The following TM4SF1 variants were observed in gnomAD, a reference collection of about 807,000 sequenced individuals.
TM4SF1 encodes transmembrane 4 L six family member 1, also known as transmembrane 4 L6 family member 1.
A neutral mutation model predicts 24.5 loss-of-function variants in TM4SF1; 20 were observed. That is an observed-to-expected ratio of 0.82 (90% CI 0.57 to 1.19). The LOEUF (loss-of-function observed/expected upper bound fraction) is 1.19, where lower values mean the gene tolerates loss of function less well. TM4SF1 is among the 50% of genes most tolerant of loss of function. The pLI is 0.00. For synonymous variants in TM4SF1, 107 were observed against 95.4 expected, an observed-to-expected ratio of 1.12 and a Z score of -0.71; for missense variants, 258 against 248.1, an observed-to-expected ratio of 1.04 and a Z score of -0.27.
Position 149,377,526 on chromosome 3 carries a change from G to A in TM4SF1, c.22C>T (p.Arg8Ter), listed in dbSNP as rs34567733. MCYGKCA[R>*]CIGHSLVGLA... ...CCCACCAGAGAATGTCCGATGCATC[G>A]TGCACACTTCCCATAGCACATGGTG... The change falls in exon 1 of 5, where the codon CGA becomes TGA. Residue 8 changes from arginine (R) to a stop codon, truncating the protein, a stop_gained. Transcript: ENST00000305366. LOFTEE classifies it high-confidence loss of function. 1.6e-5 allele frequency: 26 copies of A among 1,613,640 alleles called. No individual in the cohort carries two copies. Among genetic ancestry groups the A allele is most frequent in the Admixed American group, 5.0e-5 (3 of 59,986 alleles).
intron 1 of TM4SF1, among the ~76,000 whole-genome samples, chr3:149,376,980 A>T (rs766578328): frequency 3.2e-4 from 48 of 152,210 alleles, no homozygotes; most frequent in Non-Finnish European, 5.6e-4. Flanking sequence ...ACAGCAGAGA[A>T]TTTGGATTCA....
In TM4SF1 at chr3:149,369,154, C is replaced by G. The variant is rs779347404; in HGVS notation, c.*712G>C. ...CTTTATTCAGTTTCCCATCTTTCTTCTTGCCCAGTCATCGTAGCCTTTCTT... is the reference window on the plus strand; with the variant it reads ...CTTTATTCAGTTTCCCATCTTTCTTGTTGCCCAGTCATCGTAGCCTTTCTT... On this transcript the variant is annotated 3_prime_UTR_variant, in exon 5 of 5. Coordinates refer to ENST00000305366, the MANE Select transcript of TM4SF1 (RefSeq NM_014220.3). The G allele has an allele frequency of 1.3e-5, 2 of 152,206 alleles. No homozygotes were observed. The highest frequency in any genetic ancestry group is 1.3e-4 in the Admixed American group (2 of 15,268). The allele number at this position is 152,206 out of a possible 1,614,324, so 9.4% of individuals were successfully genotyped here.
chr3:149,377,442 T>G lies in TM4SF1; in HGVS notation c.106A>C (p.Lys36Gln). The part of the protein sequence containing the change: ...ILLYFPNGET[K>Q]YASENHLSRF... ...CTGAGGTGGTTTTCGGAGGCATACTTTGTTTCCCCATTGGGAAAGTAAAGC... is the reference window on the plus strand; with the variant it reads ...CTGAGGTGGTTTTCGGAGGCATACTGTGTTTCCCCATTGGGAAAGTAAAGC... Residue 36 changes from lysine (K) to glutamine (Q), a missense_variant, in exon 1 of 5, where the codon AAG (lysine) becomes CAG (glutamine). Coordinates refer to ENST00000305366, the MANE Select transcript of TM4SF1 (RefSeq NM_014220.3). The G allele has an allele frequency of 6.2e-7, 1 of 1,614,136 alleles. No homozygotes were observed. The highest frequency in any genetic ancestry group is 8.5e-7 in the Non-Finnish European group (1 of 1,179,992).
At chr3:149,371,098 C>T (rs1285846057) in intron 4 of TM4SF1, 1 of 152,618 alleles carries the variant, frequency 6.6e-6, no homozygotes, top group African/African-American at 2.4e-5. Flanking sequence ...AGTGATTCTC[C>T]ATACTTACTG....
chr3:149,377,463 A>G lies in TM4SF1; in HGVS notation c.85T>C (p.Tyr29His), dbSNP rs1731987573. 1.2e-6 allele frequency: 2 copies of G among 1,614,092 alleles called. No homozygotes were observed. The highest frequency in any genetic ancestry group is 2.2e-5 in the South Asian group (2 of 91,078). ...LLCIAANILL[Y>H]FPNGETKYAS... ...TACTTTGTTTCCCCATTGGGAAAGT[A>G]AAGCAAAATATTAGCCGCGATGCAC... Residue 29 changes from tyrosine to histidine, a missense_variant, in exon 1 of 5, where the codon TAC becomes CAC. By Grantham distance (83) the Tyr-to-His change is moderately conservative. Transcript: ENST00000305366.
intron 3 of TM4SF1, 76 bp downstream of exon 3, chr3:149,375,367 A>G: frequency 1.9e-6 from 3 of 1,554,126 alleles, no homozygotes; most frequent in Admixed American, 1.7e-5. Flanking sequence ...GTGGATGCCT[A>G]TCTGGTTTGA....
chr3:149,369,933 C>T, intron 4 of TM4SF1, 53 bp from the exon 5 acceptor site: 1 of 1,565,142 alleles, frequency 6.4e-7, no homozygotes, highest in South Asian at 1.2e-5. Flanking sequence ...ATAATGATGA[C>T]ATTTTAGTCC....
Position 149,371,832 on chromosome 3 carries a change from G to T in TM4SF1, c.449C>A (p.Thr150Asn). The change falls in exon 4 of 5, where the codon ACT (threonine) becomes AAT (asparagine). Residue 150 changes from threonine to asparagine, a missense_variant. Physicochemically the swap from Thr to Asn is moderately conservative, Grantham distance 65 (BLOSUM62 0). Transcript: ENST00000305366. ...CCATTCCACAATGTGCTTGGGTTCAGTGCACTCGGACCATGTGGAGGTATC... is the reference window on the plus strand; with the variant it reads ...CCATTCCACAATGTGCTTGGGTTCATTGCACTCGGACCATGTGGAGGTATC... ...LLDTSTWSEC[T>N]EPKHIVEWNV... The T allele has an allele frequency of 6.2e-7, 1 of 1,614,136 alleles. No homozygotes were observed. Among genetic ancestry groups the T allele is most frequent in the Non-Finnish European group, 8.5e-7 (1 of 1,180,018 alleles).
chr3:149,371,678 G>A lies in TM4SF1; in HGVS notation c.594+9C>T, dbSNP rs758309531. On this transcript the variant is annotated intron_variant, in intron 4 of 4. Coordinates refer to ENST00000305366, the MANE Select transcript of TM4SF1 (RefSeq NM_014220.3). ...GGCCAGACTACGACATTTTCATGCA[G>A]GTTCTTACCTGTTGGTGAGAGCAGC... is the stretch of plus-strand genomic sequence containing the variant. 2 of 1,614,044 alleles carry A rather than the reference G, an allele frequency of 1.2e-6. No individual in the cohort carries two copies. The highest frequency in any genetic ancestry group is 8.5e-7 in the Non-Finnish European group (1 of 1,179,922).
intron 3 of TM4SF1, 86 bp downstream of exon 3, chr3:149,375,357 G>A (rs1462164777): frequency 1.3e-6 from 2 of 1,521,910 alleles, no homozygotes; most frequent in East Asian, 4.5e-5. Context: ...GGATGGATAA[G>A]TGGATGCCTA....
At chr3:149,374,219 TG>T (rs749451381) in intron 3 of TM4SF1, among the ~76,000 whole-genome samples, 32 of 152,340 alleles carry the variant, frequency 2.1e-4, no homozygotes, top group Admixed American at 9.1e-4. Flanking sequence ...GTAACTGAGA[TG>T]CAGAGAGCTC....
Position 149,371,844 on chromosome 3 carries a change from C to A in TM4SF1, c.437G>T (p.Trp146Leu). Residue 146 changes from tryptophan to leucine, a missense_variant, in exon 4 of 5, where the codon TGG becomes TTG. Coordinates refer to ENST00000305366, the MANE Select transcript of TM4SF1 (RefSeq NM_014220.3). The stretch of plus-strand genomic sequence containing the variant: ...GTGCTTGGGTTCAGTGCACTCGGAC[C>A]ATGTGGAGGTATCCAGAAGGTACCT... ...EGQYLLDTST[W>L]SECTEPKHIV... 1 of 1,613,896 alleles carries A rather than the reference C, an allele frequency of 6.2e-7. No individual in the cohort carries two copies. Among genetic ancestry groups the A allele is most frequent in the African/African-American group, 1.3e-5 (1 of 74,948 alleles).
Position 149,369,676 on chromosome 3 carries a change from A to C in TM4SF1, c.*190T>G, listed in dbSNP as rs2108375944. 1 of 666,772 alleles carries C rather than the reference A, an allele frequency of 1.5e-6. No homozygotes were observed. Among genetic ancestry groups the C allele is most frequent in the East Asian group, 3.2e-5 (1 of 31,008 alleles). 41.3% of individuals were successfully genotyped at this position (666,772 alleles called of 1,614,324 possible). ...TAAAAAAAAACAAAAACAAATAAAC[A>C]AACAAAAAAGAAGTTTACTAAATTT... On this transcript the variant is annotated 3_prime_UTR_variant, in exon 5 of 5. Transcript: ENST00000305366.
Position 149,375,879 on chromosome 3 carries a change from T to C in TM4SF1, c.178-110A>G, listed in dbSNP as rs113918864. ...TATTTCCAATGACATTAACTGGCTT[T>C]GATTAGGTTGACCAGATATCTCAAA... On this transcript the variant is annotated intron_variant, in intron 1 of 4. Transcript: ENST00000305366. 213 of 963,950 alleles carry C rather than the reference T, an allele frequency of 2.2e-4. No individual in the cohort carries two copies. The African/African-American group carries it at 2.8e-3, about 13-fold the overall frequency. The allele number at this position is 963,950 out of a possible 1,614,324, so 59.7% of individuals were successfully genotyped here. A position where few individuals can be genotyped will look rare whatever the true frequency, so the allele number is the denominator to read the frequency against.
At chr3:149,375,807 C>T in intron 1 of TM4SF1, 38 bp from the exon 2 acceptor site, 1 of 1,604,000 alleles carries the variant, frequency 6.2e-7, no homozygotes, top group Non-Finnish European at 8.5e-7. Context: ...CATTGTCTTG[C>T]TCAGGCTCAT....
At position 149,374,571 on chromosome 3, in the gene TM4SF1, A is replaced by G. The variant is rs575506247; in HGVS notation, c.413+872T>C. Among the ~76,000 whole-genome samples, 28 of 149,184 alleles carry G rather than the reference A, an allele frequency of 1.9e-4. No homozygotes were observed. The East Asian group carries it at 5.4e-3, about 29-fold the overall frequency. On this transcript the variant is annotated intron_variant, in intron 3 of 4. Coordinates refer to ENST00000305366, the MANE Select transcript of TM4SF1 (RefSeq NM_014220.3). ...TTCTGTTCTTTTCTGGATAACTGAT[A>G]AAAAAAATAAGTATCAACATAGAAT...
At position 149,377,644 on chromosome 3, in the gene TM4SF1, A is replaced by G. The variant is rs1224355092; in HGVS notation, c.-97T>C. ...TGCCCTTCTGGTGGAGAAAGCAAAC[A>G]CCACTCTCAGCCCATTCCTGCTACC... On this transcript the variant is annotated 5_prime_UTR_variant, in exon 1 of 5. Coordinates refer to ENST00000305366, the MANE Select transcript of TM4SF1 (RefSeq NM_014220.3). 6.6e-7 allele frequency: 1 copy of G among 1,513,214 alleles called. No individual in the cohort carries two copies. The highest frequency in any genetic ancestry group is 1.4e-5 in the African/African-American group (1 of 71,934). The allele number at this position is 1,513,214 out of a possible 1,614,324, so 93.7% of individuals were successfully genotyped here.
chr3:149,369,392 A>G lies in TM4SF1; in HGVS notation c.*474T>C, dbSNP rs920675015. 1 of 156,150 alleles carries G rather than the reference A, an allele frequency of 6.4e-6. No individual in the cohort carries two copies. Among genetic ancestry groups the G allele is most frequent in the African/African-American group, 2.4e-5 (1 of 41,488 alleles). The allele number at this position is 156,150 out of a possible 1,614,324, so 9.7% of individuals were successfully genotyped here. A position where few individuals can be genotyped will look rare whatever the true frequency, so the allele number is the denominator to read the frequency against. ...AAGGCAGTTCAAAGGGCCTCTTGTTAGAGATTTATAGGTGTATGAATGGGA... is the reference window on the plus strand; with the variant it reads ...AAGGCAGTTCAAAGGGCCTCTTGTTGGAGATTTATAGGTGTATGAATGGGA... On this transcript the variant is annotated 3_prime_UTR_variant, in exon 5 of 5. Transcript: ENST00000305366.
chr3:149,376,295 C>T (rs1211929586), intron 1 of TM4SF1, among the ~76,000 whole-genome samples: 1 of 152,118 alleles, frequency 6.6e-6, no homozygotes, highest in South Asian at 2.1e-4. Flanking sequence ...ATATGAAATA[C>T]TTCAGGTTCA....
Sources: allele counts gnomAD v4.1 joint callset (sites outside exome capture counted in the v4.1 genomes callset), GRCh38; gene constraint gnomAD v4.1.1; transcripts MANE v1.5; gene names NCBI Gene and HGNC (gene_info 2026-07-23, HGNC 2026-07-21).